TM9SF4: variants seen among roughly 807,000 people sequenced by gnomAD.
The protein encoded by TM9SF4 is transmembrane 9 superfamily member 4, also known as dinucleotide oxidase disulfide thiol exchanger 3 superfamily member 4.
A neutral mutation model predicts 90.4 loss-of-function variants in TM9SF4; 26 were observed. The observed-to-expected ratio is 0.29, with a 90% CI of 0.21 to 0.40. The LOEUF (loss-of-function observed/expected upper bound fraction) is 0.40, where lower values mean the gene tolerates loss of function less well. Ranked by LOEUF, TM9SF4 falls within the 10% of genes least tolerant of loss-of-function variation. The pLI is 1.00. For synonymous variants in TM9SF4, 293 were observed against 315.4 expected (o/e 0.93, Z 0.75); for missense variants, 549 against 834.8 (o/e 0.66, Z 4.22).
chr20:32,153,217 A>G (rs2046868878), intron 12 of TM9SF4, among the ~76,000 whole-genome samples: 1 of 152,222 alleles, frequency 6.6e-6, no homozygotes, highest in Non-Finnish European at 1.5e-5. Context: ...GGACCTTGGT[A>G]TAGCATTAGC....
chr20:32,141,682 T>C lies in TM9SF4; in HGVS notation c.398+17T>C, dbSNP rs778397595. The stretch of plus-strand genomic sequence containing the variant: ...CGTCCACCTGTAAGTCGCCCTGTGC[T>C]CCTTGCTGCCTCAGGCTCACACAGG... On this transcript the variant is annotated intron_variant, in intron 4 of 17. Transcript: ENST00000398022. The C allele has an allele frequency of 1.4e-5, 22 of 1,613,628 alleles. No individual in the cohort carries two copies. In the East Asian group the frequency reaches 4.9e-4, roughly 36 times the overall value.
intron 2 of TM9SF4, among the ~76,000 whole-genome samples, chr20:32,134,819 C>T (rs1052100466): frequency 2.0e-5 from 3 of 151,994 alleles, no homozygotes; most frequent in Admixed American, 1.3e-4. Flanking sequence ...ATTATAGGTG[C>T]ACACCACCAT....
intron 3 of TM9SF4, among the ~76,000 whole-genome samples, chr20:32,140,724 C>G (rs1226314275): frequency 6.6e-6 from 1 of 152,168 alleles, no homozygotes; most frequent in Admixed American, 6.5e-5. Context: ...GGCAGGCAGC[C>G]GAGAGTCAGA....
chr20:32,152,276 C>G (rs2046853898), intron 12 of TM9SF4, among the ~76,000 whole-genome samples: 1 of 151,828 alleles, frequency 6.6e-6, no homozygotes, highest in African/African-American at 2.4e-5. Context: ...TGGCAAGATT[C>G]TTCCCTGGAG....
At chr20:32,126,982 C>T (rs1307938962) in intron 1 of TM9SF4, among the ~76,000 whole-genome samples, 1 of 152,182 alleles carries the variant, frequency 6.6e-6, no homozygotes, top group Admixed American at 6.5e-5. Flanking sequence ...GAACCGCCCG[C>T]CTCGGCCTGC....
Position 32,161,258 on chromosome 20 carries a change from CCT to C in TM9SF4, c.1690-15_1690-14del. On this transcript the variant is annotated splice_polypyrimidine_tract_variant and intron_variant, in intron 16 of 17. Transcript: ENST00000398022. The stretch of plus-strand genomic sequence containing the variant: ...TCTGCCCCAGGACAACACTGACCTT[CCT>C]CTGTTTCCTCCTCAGGATTACCGCT... 1 of 1,611,792 alleles carries C rather than the reference CCT, an allele frequency of 6.2e-7. No individual in the cohort carries two copies. Among genetic ancestry groups the C allele is most frequent in the Non-Finnish European group, 8.5e-7 (1 of 1,178,566 alleles).
At chr20:32,163,787 T>C (rs1341478951) in intron 17 of TM9SF4, among the ~76,000 whole-genome samples, 3 of 151,774 alleles carry the variant, frequency 2.0e-5, no homozygotes, top group East Asian at 3.9e-4. Flanking sequence ...AATTTTGTGT[T>C]TTTAGCAGAG....
chr20:32,118,088 G>A (rs546301199), intron 1 of TM9SF4, among the ~76,000 whole-genome samples: 5 of 152,328 alleles, frequency 3.3e-5, no homozygotes, highest in Admixed American at 6.5e-5. Flanking sequence ...CAGGAATATA[G>A]AAGGTGATGA....
chr20:32,119,239 G>A lies in TM9SF4; in HGVS notation c.15+9484G>A, dbSNP rs1317587127. Reference sequence around the variant, plus strand: ...TTTGGGAAGCTGAGGCAGGTGGATCGCTTGAGCCCAGGAGTTCAAGACCAT... The same window carrying A: ...TTTGGGAAGCTGAGGCAGGTGGATCACTTGAGCCCAGGAGTTCAAGACCAT... On this transcript the variant is annotated intron_variant, in intron 1 of 17. Coordinates refer to ENST00000398022, the MANE Select transcript of TM9SF4 (RefSeq NM_014742.4). Among the ~76,000 whole-genome samples, 4 of 151,886 alleles carry A rather than the reference G, an allele frequency of 2.6e-5. No individual in the cohort carries two copies. In the East Asian group the frequency reaches 5.8e-4, roughly 22 times the overall value.
At chr20:32,123,866 A>ATATAT in intron 1 of TM9SF4, among the ~76,000 whole-genome samples, 1,083 of 93,954 alleles carry the variant, frequency 0.012, 26 homozygotes, top group African/African-American at 0.021. Flanking sequence ...ATATATATAT[A>ATATAT]TTTTTTTTTT....
At chr20:32,144,796 C>A (rs1028456076) in intron 6 of TM9SF4, among the ~76,000 whole-genome samples, 8 of 152,126 alleles carry the variant, frequency 5.3e-5, no homozygotes, top group Non-Finnish European at 1.0e-4. Flanking sequence ...ACCTGTAGTC[C>A]CAGCTACTCC....
At chr20:32,115,997 T>G (rs1240834728) in intron 1 of TM9SF4, among the ~76,000 whole-genome samples, 1 of 151,736 alleles carries the variant, frequency 6.6e-6, no homozygotes, top group Non-Finnish European at 1.5e-5. Flanking sequence ...AATTTTTGTA[T>G]TTTTAGTAAG....
intron 12 of TM9SF4, among the ~76,000 whole-genome samples, chr20:32,154,081 G>A (rs1383629135): frequency 2.0e-5 from 3 of 152,184 alleles, no homozygotes; most frequent in Non-Finnish European, 2.9e-5. Context: ...AAGACTCAGA[G>A]CTTCACCATC....
chr20:32,162,210 C>G (rs540589611), intron 17 of TM9SF4, among the ~76,000 whole-genome samples: 3 of 152,336 alleles, frequency 2.0e-5, no homozygotes, highest in Non-Finnish European at 4.4e-5. Context: ...CAGAAGCAAG[C>G]AGTCCTCTGT....
chr20:32,125,060 A>C (rs978319060), intron 1 of TM9SF4, among the ~76,000 whole-genome samples: 2 of 152,148 alleles, frequency 1.3e-5, no homozygotes, highest in Non-Finnish European at 2.9e-5. Flanking sequence ...CAACCTGTTC[A>C]TCAGGGCAGA....
intron 1 of TM9SF4, among the ~76,000 whole-genome samples, chr20:32,126,221 G>A (rs2046420715): frequency 1.3e-5 from 2 of 152,004 alleles, no homozygotes; most frequent in South Asian, 2.1e-4. Flanking sequence ...CTCATAGGAT[G>A]GTCCATGAAC....
At chr20:32,133,234 GC>G (rs1257105938) in intron 2 of TM9SF4, 108 bp downstream of exon 2, 1 of 948,258 alleles carries the variant, frequency 1.1e-6, no homozygotes, top group African/African-American at 1.6e-5. Flanking sequence ...AAAGAATAGT[GC>G]CAGTTACCCC....
At chr20:32,134,524 GT>G (rs2046567568) in intron 2 of TM9SF4, among the ~76,000 whole-genome samples, 1 of 152,144 alleles carries the variant, frequency 6.6e-6, no homozygotes, top group Non-Finnish European at 1.5e-5. Context: ...ACATGAAGCT[GT>G]TTATTGACTT....
At chr20:32,109,857 C>A in intron 1 of TM9SF4, 102 bp downstream of exon 1, 1 of 1,542,376 alleles carries the variant, frequency 6.5e-7, no homozygotes, top group Non-Finnish European at 8.7e-7. Flanking sequence ...ACCTCCGGGA[C>A]CCCTGACTCA....
Sources: gnomAD v4.1 joint callset for allele counts (sites outside exome capture counted in the v4.1 genomes callset) on GRCh38, gnomAD v4.1.1 for gene constraint, MANE v1.5 for transcripts, NCBI Gene and HGNC (gene_info 2026-07-23, HGNC 2026-07-21) for gene names.